Variants in TLK1 observed in about 807,000 individuals in gnomAD.
TLK1 encodes the protein tousled like kinase 1.
A neutral mutation model predicts 105.3 loss-of-function variants in TLK1; 24 were observed. The ratio of observed to expected loss-of-function variants is 0.23; its 90% confidence interval spans 0.17 to 0.32. The LOEUF is 0.32. TLK1 is among the 10% of genes least tolerant of loss of function. The pLI is 1.00. For synonymous variants in TLK1, 321 were observed against 310.4 expected, an observed-to-expected ratio of 1.03 and a Z score of -0.36; for missense variants, 558 against 910.5, an observed-to-expected ratio of 0.61 and a Z score of 4.98.
At chr2:171,068,324 C>T (rs1688106207) in intron 3 of TLK1, among the ~76,000 whole-genome samples, 1 of 151,924 alleles carries the variant, frequency 6.6e-6, no homozygotes, top group African/African-American at 2.4e-5. Flanking sequence ...AGCAAAACTC[C>T]GCCTCAAAAA....
At chr2:171,065,028 A>G (rs892911048) in intron 3 of TLK1, among the ~76,000 whole-genome samples, 4 of 96,202 alleles carry the variant, frequency 4.2e-5, no homozygotes, top group African/African-American at 1.2e-4. Flanking sequence ...CTTTTATCTT[A>G]TAATAAAATA....
intron 11 of TLK1, among the ~76,000 whole-genome samples, chr2:171,033,791 T>G (rs1686170754): frequency 6.7e-6 from 1 of 150,008 alleles, no homozygotes; most frequent in Non-Finnish European, 1.5e-5. Flanking sequence ...AAAAAACTTC[T>G]GTACATCAAA....
intron 2 of TLK1, among the ~76,000 whole-genome samples, chr2:171,105,724 G>A (rs1689895109): frequency 6.6e-6 from 1 of 151,994 alleles, no homozygotes; most frequent in Admixed American, 6.6e-5. Context: ...TACTAGTAAG[G>A]ATGCAGAGAA....
At chr2:171,218,681 G>C (rs1466541295) in intron 1 of TLK1, among the ~76,000 whole-genome samples, 2 of 152,116 alleles carry the variant, frequency 1.3e-5, no homozygotes, top group African/African-American at 4.8e-5. Flanking sequence ...GCATCCTCTG[G>C]GGGGACTAAC....
At chr2:171,026,240 C>T (rs549552580) in intron 12 of TLK1, among the ~76,000 whole-genome samples, 27 of 152,026 alleles carry the variant, frequency 1.8e-4, no homozygotes, top group Admixed American at 5.2e-4. Context: ...GAGGAAAATA[C>T]GAAGGTTAGA....
intron 3 of TLK1, among the ~76,000 whole-genome samples, chr2:171,075,159 A>C (rs1012315346): frequency 2.0e-5 from 3 of 152,134 alleles, no homozygotes; most frequent in African/African-American, 7.2e-5. Context: ...TAGTGCTTAG[A>C]ATACACTAAG....
chr2:171,230,742 A>G (rs760688773), intron 1 of TLK1, among the ~76,000 whole-genome samples: 1 of 152,192 alleles, frequency 6.6e-6, no homozygotes. Context: ...CAGTTACATA[A>G]TCATTCTGGA....
intron 2 of TLK1, among the ~76,000 whole-genome samples, chr2:171,105,421 C>T (rs757922243): frequency 6.6e-6 from 1 of 152,260 alleles, no homozygotes; most frequent in Non-Finnish European, 1.5e-5. Context: ...CGCAGTGGCT[C>T]ACGCCTGTAA....
In TLK1 at chr2:171,160,709, A is replaced by AGGC. The variant is rs1692455940; in HGVS notation, c.-284_-282dup. On this transcript the variant is annotated 5_prime_UTR_variant, in exon 1 of 21. Coordinates refer to ENST00000431350, the MANE Select transcript of TLK1 (RefSeq NM_012290.5). The surrounding 1 kb of genome is among the most constrained non-coding windows in gnomAD (Gnocchi z 4.4). ...GAGGAGGAAAGGAGCGCGGCGGCGG[A>AGGC]GGCGTCGAGGGGGTGCCAGCCGGGC... 4.3e-6 allele frequency: 2 copies of AGGC among 469,616 alleles called. No homozygotes were observed. The highest frequency in any genetic ancestry group is 9.5e-5 in the South Asian group (2 of 21,014). The allele number at this position is 469,616 out of a possible 1,614,324, so 29.1% of individuals were successfully genotyped here. A position where few individuals can be genotyped will look rare whatever the true frequency, so the allele number is the denominator to read the frequency against.
chr2:171,127,356 G>C (rs890697102), intron 1 of TLK1, among the ~76,000 whole-genome samples: 4 of 151,258 alleles, frequency 2.6e-5, no homozygotes, highest in Admixed American at 6.6e-5. Context: ...ATCTTGTCTT[G>C]AAACATCCAT....
chr2:171,157,871 A>G (rs879507360), intron 1 of TLK1, among the ~76,000 whole-genome samples: 3 of 152,240 alleles, frequency 2.0e-5, no homozygotes, highest in Non-Finnish European at 4.4e-5. Flanking sequence ...TATATGTTAA[A>G]CTGACTCAAT....
chr2:171,089,698 CT>C (rs1689142007), intron 2 of TLK1, among the ~76,000 whole-genome samples: 1 of 152,138 alleles, frequency 6.6e-6, no homozygotes, highest in Admixed American at 6.5e-5. Flanking sequence ...GAGACCAGGT[CT>C]TGCTCTGTCA....
chr2:171,033,219 A>G (rs1483997083), intron 11 of TLK1, among the ~76,000 whole-genome samples: 6 of 152,174 alleles, frequency 3.9e-5, no homozygotes, highest in African/African-American at 1.2e-4. Flanking sequence ...ACAAAACAAA[A>G]CAAAACAAAG....
intron 11 of TLK1, among the ~76,000 whole-genome samples, chr2:171,042,681 C>T (rs1162629506): frequency 6.6e-6 from 1 of 150,888 alleles, no homozygotes; most frequent in African/African-American, 2.4e-5. Flanking sequence ...TATCATGGCA[C>T]CTAGTGTGAG....
Position 171,006,505 on chromosome 2 carries a change from T to C in TLK1, c.1737A>G (p.Lys579=). 6.2e-7 allele frequency: 1 copy of C among 1,611,926 alleles called. No individual in the cohort carries two copies. Among genetic ancestry groups the C allele is most frequent in the Non-Finnish European group, 8.5e-7 (1 of 1,179,324 alleles). The change falls in exon 17 of 21, where the codon AAA becomes AAG. Residue 579 remains lysine, a synonymous_variant. Coordinates refer to ENST00000431350, the MANE Select transcript of TLK1 (RefSeq NM_012290.5). ...VNALRYLNEI[K]PPIIHYDLKP... ...TAAGATCATAATGTATAATAGGGGG[T>C]TTGATCTCATTGAGATATCTTAGTG...
intron 1 of TLK1, among the ~76,000 whole-genome samples, chr2:171,221,191 G>A (rs1693804200): frequency 6.6e-6 from 1 of 152,194 alleles, no homozygotes; most frequent in South Asian, 2.1e-4. Context: ...TTACCAGGAA[G>A]TGTAATGAAT....
intron 3 of TLK1, among the ~76,000 whole-genome samples, chr2:171,071,136 CAG>C (rs1352897689): frequency 6.6e-6 from 1 of 152,156 alleles, no homozygotes; most frequent in African/African-American, 2.4e-5. Flanking sequence ...TGTTTTCCTA[CAG>C]AGTTGTTTGA....
Position 171,072,853 on chromosome 2 carries a change from G to A in TLK1, c.330+9928C>T, listed in dbSNP as rs188902396. 5.2e-3 allele frequency among the ~76,000 whole-genome samples: 780 copies of A among 151,378 alleles called. 8 individuals carry two copies. Among genetic ancestry groups the A allele is most frequent in the African/African-American group, 0.016 (654 of 41,270 alleles). The stretch of plus-strand genomic sequence containing the variant: ...CTGAGGCAGGAGAATTGCTTGAACC[G>A]GGGAGGTGGTGGTTGCAGTGAGCTG... On this transcript the variant is annotated intron_variant, in intron 3 of 20. Coordinates refer to ENST00000431350, the MANE Select transcript of TLK1 (RefSeq NM_012290.5).
At chr2:171,114,892 C>T (rs1187486994) in intron 2 of TLK1, among the ~76,000 whole-genome samples, 1 of 151,932 alleles carries the variant, frequency 6.6e-6, no homozygotes, top group Non-Finnish European at 1.5e-5. Context: ...CTGATCCTCC[C>T]CTTGAGCCTC....
Sources: gnomAD v4.1 joint callset for allele counts (sites outside exome capture counted in the v4.1 genomes callset) on GRCh38, gnomAD v4.1.1 for gene constraint, Gnocchi (gnomAD v3.1) non-coding constraint, MANE v1.5 for transcripts, NCBI Gene and HGNC (gene_info 2026-07-23, HGNC 2026-07-21) for gene names.